Variants in OR51B5 observed in about 807,000 individuals in gnomAD.
OR51B5 encodes the protein olfactory receptor family 51 subfamily B member 5, also known as olfactory receptor 51B5.
For missense variants in OR51B5, 456 were observed against 374.6 expected, an observed-to-expected ratio of 1.22 and a Z score of -1.79; for synonymous variants, 186 against 144.8, an observed-to-expected ratio of 1.28 and a Z score of -2.04.
At chr11:5,415,030 G>C (rs1212703692) in intron 1 of OR51B5, among the ~76,000 whole-genome samples, 1 of 151,972 alleles carries the variant, frequency 6.6e-6, no homozygotes, top group Non-Finnish European at 1.5e-5. Flanking sequence ...TGGCAGTAAA[G>C]CTCTCCTCAG....
chr11:5,443,099 T>C (rs1021494185), intron 1 of OR51B5, among the ~76,000 whole-genome samples: 2 of 152,206 alleles, frequency 1.3e-5, no homozygotes. Flanking sequence ...AGAGACTTCA[T>C]CTCAACCTTT....
intron 1 of OR51B5, among the ~76,000 whole-genome samples, chr11:5,401,876 C>T (rs1388126215): frequency 1.6e-5 from 1 of 62,736 alleles, no homozygotes; most frequent in Admixed American, 1.7e-4. Flanking sequence ...TTCCTTCCTT[C>T]CTTTTCTCTC....
At chr11:5,385,023 TATTAA>T (rs1849664782) in intron 1 of OR51B5, among the ~76,000 whole-genome samples, 1 of 152,178 alleles carries the variant, frequency 6.6e-6, no homozygotes, top group African/African-American at 2.4e-5. Flanking sequence ...AAATAACTAA[TATTAA>T]ATTCAAACAA....
At chr11:5,498,703 T>A (rs1227902538) in intron 1 of OR51B5, among the ~76,000 whole-genome samples, 1 of 149,850 alleles carries the variant, frequency 6.7e-6, no homozygotes, top group East Asian at 1.9e-4. Context: ...CTTTACTTCT[T>A]AAGATACACC....
At position 5,425,744 on chromosome 11, in the gene OR51B5, C is replaced by T. The variant is rs189117520; in HGVS notation, n.85-78834G>A. On this transcript the variant is annotated intron_variant and non_coding_transcript_variant, in intron 1 of 4. Coordinates refer to the OR51B5 transcript ENST00000415970. ...TCTAAGAATGTAATATTCTTTGTAT[C>T]TTATTGACCCTCTGTAAATTATTTT... is the stretch of plus-strand genomic sequence containing the variant. 1.4e-3 allele frequency among the ~76,000 whole-genome samples: 211 copies of T among 152,076 alleles called. 1 individual carries two copies. Among genetic ancestry groups the T allele is most frequent in the Non-Finnish European group, 2.2e-3 (148 of 67,968 alleles).
At chr11:5,486,052 G>T (rs1314514422) in intron 1 of OR51B5, among the ~76,000 whole-genome samples, 3 of 152,054 alleles carry the variant, frequency 2.0e-5, no homozygotes, top group African/African-American at 7.2e-5. Flanking sequence ...CATCTACAAG[G>T]CAAGGAGAAA....
At chr11:5,496,170 G>A (rs1851648115) in intron 1 of OR51B5, among the ~76,000 whole-genome samples, 1 of 151,908 alleles carries the variant, frequency 6.6e-6, no homozygotes, top group Non-Finnish European at 1.5e-5. Context: ...CTCAATGGAG[G>A]TACCTGCCCA....
chr11:5,403,465 A>G (rs1240516836), intron 1 of OR51B5: 2 of 471,532 alleles, frequency 4.2e-6, no homozygotes, highest in Non-Finnish European at 8.8e-6. Flanking sequence ...CCTGTTGTCA[A>G]TCCTATTGTC....
At position 5,402,683 on chromosome 11, in the gene OR51B5, G is replaced by C. The variant is rs997797896; in HGVS notation, n.85-55773C>G. On this transcript the variant is annotated intron_variant and non_coding_transcript_variant, in intron 1 of 4. Coordinates refer to the OR51B5 transcript ENST00000415970. ...CAGGGCTGGAGTCAGAGCACCTCTG[G>C]ATATCCGTCCCCTTCTCCCTGATAT... is the stretch of plus-strand genomic sequence containing the variant. 59 of 471,126 alleles carry C rather than the reference G, an allele frequency of 1.3e-4. No homozygotes were observed. The Admixed American group carries it at 1.4e-3, about 11-fold the overall frequency. The allele number at this position is 471,126 out of a possible 1,614,324, so 29.2% of individuals were successfully genotyped here.
intron 1 of OR51B5, among the ~76,000 whole-genome samples, chr11:5,426,624 A>G (rs190955211): frequency 3.2e-4 from 48 of 152,012 alleles, no homozygotes; most frequent in African/African-American, 1.1e-3. Context: ...CCGCCCTAAT[A>G]CATGTGTTAG....
chr11:5,365,978 G>A (rs1275177179), intron 1 of OR51B5, among the ~76,000 whole-genome samples: 1 of 152,144 alleles, frequency 6.6e-6, no homozygotes, highest in East Asian at 1.9e-4. Flanking sequence ...CACACAAACT[G>A]AAGAACTGCT....
intron 1 of OR51B5, chr11:5,453,312 G>C: frequency 2.2e-6 from 1 of 445,688 alleles, no homozygotes; most frequent in Non-Finnish European, 3.9e-6. Flanking sequence ...TGAAGAAAAG[G>C]AGTTTGCCTG....
At chr11:5,438,779 C>T (rs1373308428) in intron 1 of OR51B5, among the ~76,000 whole-genome samples, 4 of 152,098 alleles carry the variant, frequency 2.6e-5, no homozygotes, top group Non-Finnish European at 5.9e-5. Context: ...AAGCTTTCCT[C>T]CCCACAACAA....
At chr11:5,414,688 A>T (rs1268064822) in intron 1 of OR51B5, among the ~76,000 whole-genome samples, 3 of 152,290 alleles carry the variant, frequency 2.0e-5, no homozygotes, top group Admixed American at 1.3e-4. Context: ...GACAAGGCCA[A>T]TACATAATGG....
chr11:5,399,333 C>T (rs994023249), intron 1 of OR51B5, among the ~76,000 whole-genome samples: 1 of 152,142 alleles, frequency 6.6e-6, no homozygotes, highest in Non-Finnish European at 1.5e-5. Context: ...CTGTGATTGA[C>T]TCCTGAGAAT....
intron 1 of OR51B5, chr11:5,422,252 G>A (rs369910805): frequency 1.2e-5 from 20 of 1,613,752 alleles, no homozygotes; most frequent in Non-Finnish European, 1.5e-5. Context: ...CATCCTCACG[G>A]ACATCCCTGG....
chr11:5,419,155 C>CGGG (rs1239074684), intron 1 of OR51B5, among the ~76,000 whole-genome samples: 1 of 152,078 alleles, frequency 6.6e-6, no homozygotes, highest in Non-Finnish European at 1.5e-5. Context: ...CTATGTTTGC[C>CGGG]ATAATGAGAC....
chr11:5,346,759 G>A (rs1380726519), upstream of OR51B5: 1 of 152,078 alleles, frequency 6.6e-6, no homozygotes, highest in Non-Finnish European at 1.5e-5. Context: ...TCTTTCTCTG[G>A]AGAGCTTATA....
chr11:5,422,868 T>C (rs1421676563), intron 1 of OR51B5: 1 of 1,614,172 alleles, frequency 6.2e-7, no homozygotes, highest in Admixed American at 1.7e-5. Flanking sequence ...TATACACTTA[T>C]TCTGAAAAAT....
Sources: gnomAD v4.1 joint callset for allele counts (sites outside exome capture counted in the v4.1 genomes callset) on GRCh38, gnomAD v4.1.1 for gene constraint, MANE v1.5 for transcripts, NCBI Gene and HGNC (gene_info 2026-07-23, HGNC 2026-07-21) for gene names.